Variants in PCDHA5 observed in about 807,000 individuals in gnomAD.
The protein encoded by PCDHA5 is protocadherin alpha-5.
In PCDHA5, 43 loss-of-function variants were observed where a neutral mutation model predicts 61.6. The observed-to-expected ratio is 0.70, with a 90% confidence interval of 0.55 to 0.90. The LOEUF (loss-of-function observed/expected upper bound fraction) is 0.90. Among genes scored for constraint, PCDHA5 ranks in the 40% least tolerant of loss-of-function variants. The pLI, the probability that PCDHA5 is intolerant of heterozygous loss-of-function variation, is 0.00. For missense variants in PCDHA5, 1,298 were observed against 1,222.7 expected (o/e 1.06, Z -0.92); for synonymous variants, 627 against 543.9 (o/e 1.15, Z -2.13).
At chr5:140,836,796 C>T (rs2150270125) in intron 1 of PCDHA5, 1 of 1,377,882 alleles carries the variant, frequency 7.3e-7, no homozygotes, top group Admixed American at 2.4e-5. Flanking sequence ...CAATTGGTCT[C>T]CTTAAATTTT....
chr5:140,993,519 GAGAC>G (rs1554253814), intron 3 of PCDHA5, among the ~76,000 whole-genome samples: 1 of 151,288 alleles, frequency 6.6e-6, no homozygotes, highest in Non-Finnish European at 1.5e-5. Context: ...CGGGGAGAGA[GAGAC>G]AGAGAGAGAG....
chr5:140,842,961 G>A (rs1778431157), intron 1 of PCDHA5: 1 of 1,594,950 alleles, frequency 6.3e-7, no homozygotes, highest in African/African-American at 1.3e-5. Context: ...CCTCTGGGCA[G>A]CAACGTGACG....
intron 3 of PCDHA5, among the ~76,000 whole-genome samples, chr5:141,007,393 TAC>T (rs2098323171): frequency 8.5e-5 from 2 of 23,408 alleles, no homozygotes; most frequent in East Asian, 1.4e-3. Flanking sequence ...TCTACTAAAA[TAC>T]AAAAAAAAAA....
chr5:140,870,736 A>G lies in PCDHA5; in HGVS notation c.2352+46609A>G, dbSNP rs201357017. ...GCGCGATGCGGGCGTGCCGCCTCTG[A>G]GCAGCAACGTGACGCTGCAGGTGTT... On this transcript the variant is annotated intron_variant, in intron 1 of 3. Transcript: ENST00000529859. 8.7e-4 allele frequency: 1,399 copies of G among 1,613,426 alleles called. 10 individuals carry two copies. In the African/African-American group the frequency reaches 0.015, roughly 17 times the overall value.
rs2150119518 is a variant in PCDHA5 at position 140,822,806 on chromosome 5, A to G, written c.1031A>G (p.Asp344Gly). 3.7e-6 allele frequency: 6 copies of G among 1,614,176 alleles called. No individual in the cohort carries two copies. The highest frequency in any genetic ancestry group is 5.1e-6 in the Non-Finnish European group (6 of 1,180,006). The change falls in exon 1 of 4, where the codon GAT becomes GGT. Residue 344 changes from aspartate to glycine, a missense_variant. Physicochemically the swap from Asp to Gly is moderately conservative, Grantham distance 94 (BLOSUM62 -1). Transcript: ENST00000529859. Reference protein sequence around the residue: ...KVVVKLLDVNDNTPEMAITTL... With the variant: ...KVVVKLLDVNGNTPEMAITTL... ...GTAGTGAAACTCCTGGATGTGAATGATAATACCCCAGAGATGGCCATAACC... is the reference window on the plus strand; with the variant it reads ...GTAGTGAAACTCCTGGATGTGAATGGTAATACCCCAGAGATGGCCATAACC...
intron 1 of PCDHA5, chr5:140,877,121 C>T (rs782727100): frequency 6.2e-7 from 1 of 1,613,694 alleles, no homozygotes; most frequent in Non-Finnish European, 8.5e-7. Context: ...AGCAACGTGA[C>T]GCTGCAGGTG....
In PCDHA5 at chr5:140,850,519, C is replaced by T. The variant is rs2150487298; in HGVS notation, c.2352+26392C>T. On this transcript the variant is annotated intron_variant, in intron 1 of 3. Coordinates refer to ENST00000529859, the MANE Select transcript of PCDHA5 (RefSeq NM_018908.3). ...GTGTCGCTGGTGGAGAGCGGCCAGG[C>T]GCCAAAGTCATCGTCGCGGGCGTCA... 675 of 1,598,240 alleles carry T rather than the reference C, an allele frequency of 4.2e-4. 26 individuals carry two copies. In the South Asian group the frequency reaches 6.8e-3, roughly 16 times the overall value.
At chr5:140,980,555 G>A (rs1050580342) in intron 2 of PCDHA5, among the ~76,000 whole-genome samples, 1 of 152,068 alleles carries the variant, frequency 6.6e-6, no homozygotes, top group Non-Finnish European at 1.5e-5. Flanking sequence ...GCTTGAACCC[G>A]GGAGGCGGAA....
At chr5:140,863,193 G>A (rs1271562908) in intron 1 of PCDHA5, 15 of 840,280 alleles carry the variant, frequency 1.8e-5, no homozygotes, top group Non-Finnish European at 2.3e-5. Context: ...CCGTGGTGGC[G>A]TCGCTGGCGG....
intron 1 of PCDHA5, among the ~76,000 whole-genome samples, chr5:140,885,242 A>G (rs1481024816): frequency 6.6e-6 from 1 of 152,038 alleles, no homozygotes; most frequent in Non-Finnish European, 1.5e-5. Context: ...TCAATTTTTT[A>G]TTTGCATTCA....
At chr5:140,830,041 G>C in intron 1 of PCDHA5, 1 of 1,613,848 alleles carries the variant, frequency 6.2e-7, no homozygotes, top group East Asian at 2.2e-5. Flanking sequence ...TGCTGGTGCT[G>C]GTGAAAGACC....
chr5:140,930,841 A>T (rs2087150671), intron 1 of PCDHA5, among the ~76,000 whole-genome samples: 1 of 152,230 alleles, frequency 6.6e-6, no homozygotes, highest in South Asian at 2.1e-4. Context: ...ATGAATAAAT[A>T]TGTGCATATA....
chr5:140,897,086 T>TA (rs1430532398), intron 1 of PCDHA5, among the ~76,000 whole-genome samples: 12 of 152,178 alleles, frequency 7.9e-5, no homozygotes, highest in Non-Finnish European at 1.6e-4. Flanking sequence ...TTCTATTTTT[T>TA]ATCCTCATTA....
intron 3 of PCDHA5, among the ~76,000 whole-genome samples, chr5:141,008,133 A>G (rs782089475): frequency 6.6e-6 from 1 of 152,208 alleles, no homozygotes; most frequent in Non-Finnish European, 1.5e-5. Context: ...GGGGATGACA[A>G]ATGCTGCTGA....
chr5:140,971,943 A>T (rs2096507947), intron 1 of PCDHA5, among the ~76,000 whole-genome samples: 1 of 152,186 alleles, frequency 6.6e-6, no homozygotes, highest in Non-Finnish European at 1.5e-5. Flanking sequence ...AGTTGTATCC[A>T]TCTGACTCCA....
chr5:140,821,856 C>T lies in PCDHA5; in HGVS notation c.81C>T (p.Ser27=). ...TCCTTGCCTACTGGAAGGCAGGGAG[C>T]GGCCAGCTCCACTACTCGATCCCGG... ...WLLLAYWKAG[S]GQLHYSIPEE... Residue 27 remains serine (S), a synonymous_variant, in exon 1 of 4, where the codon AGC becomes AGT. Coordinates refer to ENST00000529859, the MANE Select transcript of PCDHA5 (RefSeq NM_018908.3). The T allele has an allele frequency of 6.2e-7, 1 of 1,614,160 alleles. No homozygotes were observed. Among genetic ancestry groups the T allele is most frequent in the Non-Finnish European group, 8.5e-7 (1 of 1,180,028 alleles).
chr5:140,937,089 G>A (rs2091320544), intron 1 of PCDHA5, among the ~76,000 whole-genome samples: 1 of 149,070 alleles, frequency 6.7e-6, no homozygotes, highest in African/African-American at 2.5e-5. Context: ...CCAGGCTGGA[G>A]TGCAGTGGCG....
chr5:140,872,662 A>G (rs1554166315), intron 1 of PCDHA5, among the ~76,000 whole-genome samples: 2 of 152,132 alleles, frequency 1.3e-5, no homozygotes, highest in Admixed American at 1.3e-4. Context: ...TTTGTCAACT[A>G]TTGGATACTC....
rs1767511912 is a variant in PCDHA5, at chr5:140,823,014, C to T, written c.1239C>T (p.Asp413=). 13 of 1,614,242 alleles carry T rather than the reference C, an allele frequency of 8.1e-6. No homozygotes were observed. The highest frequency in any genetic ancestry group is 1.1e-5 in the Non-Finnish European group (13 of 1,180,052). Residue 413 remains aspartate, a synonymous_variant, in exon 1 of 4, where the codon GAC becomes GAT. Coordinates refer to ENST00000529859, the MANE Select transcript of PCDHA5 (RefSeq NM_018908.3). ...CGTTGGTGCTGGACAGCGCCCTGGACCGCGAGAGCGTGTCGGTCTATGAGC... is the reference window on the plus strand; with the variant it reads ...CGTTGGTGCTGGACAGCGCCCTGGATCGCGAGAGCGTGTCGGTCTATGAGC... ...YYSLVLDSAL[D]RESVSVYELV... is the part of the protein sequence containing the mutation.
Sources: allele counts gnomAD v4.1 joint callset (sites outside exome capture counted in the v4.1 genomes callset), GRCh38; gene constraint gnomAD v4.1.1; transcripts MANE v1.5; gene names NCBI Gene and HGNC (gene_info 2026-07-23, HGNC 2026-07-21).